ROBO2: variants seen among roughly 807,000 people sequenced by gnomAD.
ROBO2 encodes roundabout guidance receptor 2.
Under a neutral mutation model 160.8 loss-of-function variants are expected in ROBO2, and 53 were observed. That is an observed-to-expected ratio of 0.33 (90% confidence interval 0.26 to 0.41). The LOEUF (loss-of-function observed/expected upper bound fraction) is 0.41. ROBO2 is among the 10% of genes least tolerant of loss of function. The pLI is 1.00. For synonymous variants in ROBO2, 664 were observed against 611.7 expected (o/e 1.09, Z -1.26); for missense variants, 1,577 against 1,722.4 (o/e 0.92, Z 1.49).
chr3:76,878,909 T>A (rs2073054123), intron 2 of ROBO2, among the ~76,000 whole-genome samples: 1 of 152,184 alleles, frequency 6.6e-6, no homozygotes, highest in Non-Finnish European at 1.5e-5. Context: ...TCCACTTTCC[T>A]TCTCAGGTAT....
intron 2 of ROBO2, among the ~76,000 whole-genome samples, chr3:76,088,470 T>C (rs2069104500): frequency 2.6e-5 from 4 of 151,774 alleles, no homozygotes; most frequent in African/African-American, 9.7e-5. Flanking sequence ...ATCTGAACAA[T>C]AAAACACACC....
At chr3:77,240,084 C>T (rs895568701) in intron 2 of ROBO2, among the ~76,000 whole-genome samples, 5 of 152,270 alleles carry the variant, frequency 3.3e-5, no homozygotes, top group Admixed American at 1.3e-4. Context: ...TCCCATGCTG[C>T]GCTCCTGCAC....
At chr3:76,150,333 T>TATCTGTCTAAAGCACAC (rs2072126364) in intron 2 of ROBO2, among the ~76,000 whole-genome samples, 1 of 94,862 alleles carries the variant, frequency 1.1e-5, no homozygotes, top group South Asian at 3.9e-4. Context: ...CTAAAACACA[T>TATCTGTCTAAAGCACAC]ATCTGTCTAA....
At chr3:77,430,367 C>T (rs577655906) in intron 2 of ROBO2, among the ~76,000 whole-genome samples, 36 of 151,972 alleles carry the variant, frequency 2.4e-4, no homozygotes, top group Non-Finnish European at 4.9e-4. Context: ...TGTGTTTTAG[C>T]AAGGAGTGGC....
intron 2 of ROBO2, among the ~76,000 whole-genome samples, chr3:76,015,817 A>C (rs894366698): frequency 1.3e-5 from 2 of 152,226 alleles, no homozygotes; most frequent in Non-Finnish European, 2.9e-5. Context: ...CAACTAGAAC[A>C]AGCCATTCTT....
intron 2 of ROBO2, chr3:77,316,744 G>A: frequency 1.1e-6 from 1 of 943,804 alleles, no homozygotes; most frequent in East Asian, 2.4e-5. Context: ...CAATTGTATG[G>A]TATTCATTCA....
intron 2 of ROBO2, among the ~76,000 whole-genome samples, chr3:75,991,827 T>C (rs993669755): frequency 3.3e-5 from 5 of 151,938 alleles, no homozygotes; most frequent in African/African-American, 1.2e-4. Context: ...AATATCCAGG[T>C]GGGGGAGATC....
chr3:76,454,676 A>G (rs1173547001), intron 2 of ROBO2, among the ~76,000 whole-genome samples: 1 of 152,200 alleles, frequency 6.6e-6, no homozygotes, highest in African/African-American at 2.4e-5. Flanking sequence ...ATGTAATTAT[A>G]CAGCATTTAG....
chr3:76,061,751 T>G (rs2068075662), intron 2 of ROBO2, among the ~76,000 whole-genome samples: 1 of 152,100 alleles, frequency 6.6e-6, no homozygotes, highest in Non-Finnish European at 1.5e-5. Flanking sequence ...ATCCATTATC[T>G]TATAATTATG....
At position 76,092,116 on chromosome 3, in the gene ROBO2, G is replaced by A. The variant is rs767853447; in HGVS notation, c.109+154514G>A. On this transcript the variant is annotated intron_variant, in intron 2 of 26. Coordinates refer to the ROBO2 transcript ENST00000487694. ...TGTAAGTTCATCACCTCTGACAAAC[G>A]TACCTGATGTGGGATATGTGGGATG... is the stretch of plus-strand genomic sequence containing the variant. Among the ~76,000 whole-genome samples the A allele has an allele frequency of 1.2e-4, 18 of 152,092 alleles. 1 individual carries two copies. Among genetic ancestry groups the A allele is most frequent in the South Asian group, 6.2e-4 (3 of 4,832 alleles).
intron 2 of ROBO2, among the ~76,000 whole-genome samples, chr3:76,059,634 G>T (rs968093053): frequency 1.3e-4 from 20 of 152,020 alleles, no homozygotes; most frequent in East Asian, 3.9e-4. Flanking sequence ...TCTTTTGCTG[G>T]GCAGAAGCTC....
intron 2 of ROBO2, among the ~76,000 whole-genome samples, chr3:76,056,571 CAA>C (rs1177998110): frequency 6.6e-6 from 1 of 151,066 alleles, no homozygotes; most frequent in East Asian, 1.9e-4. Context: ...GAGGAGTTTA[CAA>C]AAAAAGAAAA....
chr3:76,363,697 A>C (rs1339009326), intron 2 of ROBO2, among the ~76,000 whole-genome samples: 1 of 152,100 alleles, frequency 6.6e-6, no homozygotes, highest in African/African-American at 2.4e-5. Context: ...TTGCTTAATA[A>C]GACTCCTTAG....
chr3:77,105,470 G>T (rs1197314110), intron 2 of ROBO2, among the ~76,000 whole-genome samples: 2 of 152,104 alleles, frequency 1.3e-5, no homozygotes, highest in African/African-American at 2.4e-5. Context: ...CCTAGCTCCA[G>T]GTACTTCACA....
At chr3:77,276,830 G>A (rs1249654130) in intron 2 of ROBO2, among the ~76,000 whole-genome samples, 1 of 152,196 alleles carries the variant, frequency 6.6e-6, no homozygotes, top group Non-Finnish European at 1.5e-5. Context: ...GAAGTCGAAT[G>A]AGGAGCAAAG....
At chr3:76,843,393 T>C (rs990734742) in intron 2 of ROBO2, among the ~76,000 whole-genome samples, 3 of 151,916 alleles carry the variant, frequency 2.0e-5, no homozygotes, top group African/African-American at 7.3e-5. Flanking sequence ...TAGTAAATAT[T>C]TTATGAGTAT....
intron 25 of ROBO2, among the ~76,000 whole-genome samples, chr3:77,645,726 T>C (rs995542456): frequency 3.3e-5 from 5 of 152,204 alleles, no homozygotes; most frequent in African/African-American, 1.2e-4. Context: ...TTGTTGACTA[T>C]TGCTAATCTA....
chr3:77,448,460 C>A (rs901251967), intron 2 of ROBO2, among the ~76,000 whole-genome samples: 6 of 152,090 alleles, frequency 3.9e-5, no homozygotes, highest in Admixed American at 2.6e-4. Context: ...TCGGCAAAGT[C>A]GGCCCTAATC....
chr3:77,586,352 A>T (rs1344292681), intron 16 of ROBO2, among the ~76,000 whole-genome samples: 1 of 152,148 alleles, frequency 6.6e-6, no homozygotes, highest in Non-Finnish European at 1.5e-5. Flanking sequence ...TACATTACAT[A>T]GTTGGTTATA....
Sources: gnomAD v4.1 joint callset for allele counts (sites outside exome capture counted in the v4.1 genomes callset) on GRCh38, gnomAD v4.1.1 for gene constraint, MANE v1.5 for transcripts, NCBI Gene and HGNC (gene_info 2026-07-23, HGNC 2026-07-21) for gene names.